The following GLE1 variants were observed in gnomAD, a reference collection of about 807,000 sequenced individuals.
The protein encoded by GLE1 is GLE1 RNA export mediator.
Under a neutral mutation model 97.3 loss-of-function variants are expected in GLE1, and 78 were observed. The observed-to-expected ratio is 0.80, with a 90% CI of 0.67 to 0.97. The LOEUF is 0.97. Ranked by LOEUF, GLE1 falls within the 50% of genes least tolerant of loss-of-function variation. The pLI is 0.00. For missense variants in GLE1, 753 were observed against 857.5 expected, an observed-to-expected ratio of 0.88 and a Z score of 1.52; for synonymous variants, 302 against 313.4, an observed-to-expected ratio of 0.96 and a Z score of 0.39.
chr9:128,516,332 G>C (rs567172310), intron 3 of GLE1, among the ~76,000 whole-genome samples: 3 of 151,232 alleles, frequency 2.0e-5, no homozygotes, highest in Admixed American at 2.0e-4. Context: ...TTTTGTTTTT[G>C]TTTTTGAGAT....
Position 128,508,026 on chromosome 9 carries a change from C to T in GLE1, c.100-850C>T, listed in dbSNP as rs183752277. Among the ~76,000 whole-genome samples, 283 of 150,532 alleles carry T rather than the reference C, an allele frequency of 1.9e-3. 1 individual carries two copies. The highest frequency in any genetic ancestry group is 5.8e-3 in the African/African-American group (238 of 40,970). ...GAAAACCCCGTATCTACTAAAAGTA[C>T]AAAATTAGCCAGGCATGGTGGTGCA... On this transcript the variant is annotated intron_variant, in intron 1 of 15. Coordinates refer to ENST00000309971, the MANE Select transcript of GLE1 (RefSeq NM_001003722.2).
chr9:128,530,179 AC>A (rs1847448800), intron 9 of GLE1, among the ~76,000 whole-genome samples: 1 of 152,050 alleles, frequency 6.6e-6, no homozygotes, highest in African/African-American at 2.4e-5. Context: ...TGACTCCCAA[AC>A]CTACCTCTGG....
intron 9 of GLE1, among the ~76,000 whole-genome samples, chr9:128,530,684 C>T (rs929345387): frequency 2.0e-5 from 3 of 148,224 alleles, no homozygotes; most frequent in African/African-American, 5.0e-5. Flanking sequence ...CCGAGCCTGG[C>T]GGGTCACCAG....
At chr9:128,508,580 C>G (rs1451482292) in intron 1 of GLE1, among the ~76,000 whole-genome samples, 1 of 152,132 alleles carries the variant, frequency 6.6e-6, no homozygotes, top group Admixed American at 6.5e-5. Flanking sequence ...TTCAGAATTC[C>G]TCGTGTTCTG....
At position 128,539,917 on chromosome 9, in the gene GLE1, C is replaced by G. The variant is rs898099357; in HGVS notation, c.1964+219C>G. The G allele has an allele frequency of 2.9e-6, 4 of 1,361,436 alleles. No individual in the cohort carries two copies. The African/African-American group carries it at 5.8e-5, about 20-fold the overall frequency. 84.3% of individuals were successfully genotyped at this position (1,361,436 alleles called of 1,614,324 possible). On this transcript the variant is annotated intron_variant, in intron 14 of 15. Coordinates refer to ENST00000309971, the MANE Select transcript of GLE1 (RefSeq NM_001003722.2). The stretch of plus-strand genomic sequence containing the variant: ...AAATATCATTGCCCAAACAAAAACA[C>G]AAATTAGGGGCTGAGCACAGTGGCT...
At chr9:128,528,553 T>C (rs1847381144) in intron 9 of GLE1, among the ~76,000 whole-genome samples, 1 of 152,178 alleles carries the variant, frequency 6.6e-6, no homozygotes, top group Non-Finnish European at 1.5e-5. Context: ...TCCGCCCGCC[T>C]CAGCTTCCCA....
intron 15 of GLE1, 155 bp from the exon 16 acceptor site, chr9:128,540,946 CT>C: frequency 1.5e-6 from 1 of 661,854 alleles, no homozygotes; most frequent in South Asian, 1.7e-5. Flanking sequence ...AAGTGGACAT[CT>C]TATACAGAAC....
chr9:128,524,638 G>A (rs115687036), intron 6 of GLE1, among the ~76,000 whole-genome samples: 2,507 of 140,838 alleles, frequency 0.018, 91 homozygotes, highest in African/African-American at 0.064. Flanking sequence ...TTCAACCTCC[G>A]GCTTCCAGGT....
At chr9:128,521,690 G>C (rs1288643093) in intron 3 of GLE1, among the ~76,000 whole-genome samples, 1 of 152,044 alleles carries the variant, frequency 6.6e-6, no homozygotes, top group Non-Finnish European at 1.5e-5. Context: ...ACTATAATAC[G>C]TGTCGTCATT....
At position 128,518,412 on chromosome 9, in the gene GLE1, T is replaced by C. The variant is rs150866419; in HGVS notation, c.432+2773T>C. Among the ~76,000 whole-genome samples the C allele has an allele frequency of 8.1e-3, 1,228 of 151,528 alleles. 24 individuals are homozygous for C. Among genetic ancestry groups the C allele is most frequent in the African/African-American group, 0.028 (1,148 of 41,242 alleles). The stretch of plus-strand genomic sequence containing the variant: ...CCTGTCTCTACTAAAAATACAAAAA[T>C]TAGGCAGGCATAGTGGTGCACGCCT... On this transcript the variant is annotated intron_variant, in intron 3 of 15. Transcript: ENST00000309971.
At chr9:128,515,027 G>T (rs1332359653) in intron 2 of GLE1, among the ~76,000 whole-genome samples, 1 of 152,000 alleles carries the variant, frequency 6.6e-6, no homozygotes, top group Non-Finnish European at 1.5e-5. Flanking sequence ...CACCATGTTG[G>T]TCAGGATGGT....
intron 13 of GLE1, among the ~76,000 whole-genome samples, chr9:128,538,528 G>T (rs571841422): frequency 2.6e-5 from 4 of 152,158 alleles, no homozygotes; most frequent in Non-Finnish European, 5.9e-5. Context: ...CGGGCACGGT[G>T]GCTCACGCCT....
At chr9:128,528,185 T>C (rs548457731) in intron 9 of GLE1, among the ~76,000 whole-genome samples, 2 of 151,774 alleles carry the variant, frequency 1.3e-5, no homozygotes, top group South Asian at 2.1e-4. Context: ...TTTGTATTTT[T>C]AGTAGAGACG....
chr9:128,534,475 T>C lies in GLE1; in HGVS notation c.1646+524T>C, dbSNP rs139281812. On this transcript the variant is annotated intron_variant, in intron 11 of 15. Transcript: ENST00000309971. ...AGTCAATGTAGTTTAGTGGAAAGGA[T>C]ACTGGGGTCTTGGAATTTTATCCCT... 2.2e-3 allele frequency among the ~76,000 whole-genome samples: 333 copies of C among 152,290 alleles called. 2 individuals carry two copies. The highest frequency in any genetic ancestry group is 7.5e-3 in the African/African-American group (311 of 41,560).
At chr9:128,523,939 A>T in intron 6 of GLE1, 93 bp downstream of exon 6, 1 of 1,207,158 alleles carries the variant, frequency 8.3e-7, no homozygotes, top group Non-Finnish European at 1.2e-6. Flanking sequence ...AATACCTGCT[A>T]TCTGCTTATT....
At chr9:128,533,484 AT>A in intron 9 of GLE1, 28 bp from the exon 10 acceptor site, 1 of 1,474,262 alleles carries the variant, frequency 6.8e-7, no homozygotes, top group East Asian at 2.3e-5. Flanking sequence ...CTGTGGTTAT[AT>A]CTTTTAATTT....
intron 9 of GLE1, among the ~76,000 whole-genome samples, chr9:128,532,423 A>C (rs924111352): frequency 4.0e-5 from 6 of 151,422 alleles, no homozygotes; most frequent in Non-Finnish European, 8.8e-5. Flanking sequence ...ACGAGGTATC[A>C]CCATGTTGGT....
rs921750666 is a variant in GLE1 at position 128,539,281 on chromosome 9, C to T, written c.1882-335C>T. On this transcript the variant is annotated intron_variant, in intron 13 of 15. Coordinates refer to ENST00000309971, the MANE Select transcript of GLE1 (RefSeq NM_001003722.2). ...AAGTCACCATACATGAACAATGATC[C>T]TGTATCATTTGAGAACACAAGTGGT... Among the ~76,000 whole-genome samples, 3 of 152,064 alleles carry T rather than the reference C, an allele frequency of 2.0e-5. No individual in the cohort carries two copies. The South Asian group carries it at 6.2e-4, about 32-fold the overall frequency.
intron 2 of GLE1, among the ~76,000 whole-genome samples, chr9:128,512,671 T>C (rs905361800): frequency 6.6e-6 from 1 of 151,616 alleles, no homozygotes; most frequent in Non-Finnish European, 1.5e-5. Context: ...ATTGCTGAGG[T>C]CTTTTTTTTT....
Sources: allele counts gnomAD v4.1 joint callset (sites outside exome capture counted in the v4.1 genomes callset), GRCh38; gene constraint gnomAD v4.1.1; transcripts MANE v1.5; gene names NCBI Gene and HGNC (gene_info 2026-07-23, HGNC 2026-07-21).